Variants in RPS6KA1 observed in about 807,000 individuals in gnomAD.
RPS6KA1 encodes the protein ribosomal protein S6 kinase A1.
RPS6KA1 carries 48 observed loss-of-function variants against 91.3 expected under a neutral mutation model. The ratio of observed to expected loss-of-function variants is 0.53; its 90% CI spans 0.42 to 0.67. The LOEUF (loss-of-function observed/expected upper bound fraction) is 0.67, where lower values mean the gene tolerates loss of function less well. Ranked by LOEUF, RPS6KA1 falls within the 30% of genes least tolerant of loss-of-function variation. The pLI is 0.00. For missense variants in RPS6KA1, 719 were observed against 960.5 expected (o/e 0.75, Z 3.32); for synonymous variants, 359 against 384.7 (o/e 0.93, Z 0.78).
Position 26,554,172 on chromosome 1 carries a change from G to C in RPS6KA1, c.576-42G>C. 6.5e-7 allele frequency: 1 copy of C among 1,547,880 alleles called. No homozygotes were observed. Among genetic ancestry groups the C allele is most frequent in the Non-Finnish European group, 8.7e-7 (1 of 1,144,744 alleles). On this transcript the variant is annotated intron_variant, in intron 7 of 21. Transcript: ENST00000374168. This position sits in a 1 kb window ranked among gnomAD's most constrained non-coding sequence, Gnocchi z 4.6. ...CCTGTGGTAACACCATCACCCACAC[G>C]GCCACAGCTGAGGGGCCCTGACCAC... is the stretch of plus-strand genomic sequence containing the variant.
chr1:26,545,162 C>CTTTCTT (rs1310137214), intron 2 of RPS6KA1, among the ~76,000 whole-genome samples: 1 of 151,108 alleles, frequency 6.6e-6, no homozygotes, highest in Non-Finnish European at 1.5e-5. Flanking sequence ...GGATGCCATT[C>CTTTCTT]TTTCTTTTTC....
intron 2 of RPS6KA1, among the ~76,000 whole-genome samples, chr1:26,546,532 G>A (rs543909947): frequency 6.6e-6 from 1 of 152,302 alleles, no homozygotes; most frequent in East Asian, 1.9e-4. Context: ...TAAAACAACA[G>A]GGGGAGGGAA....
At chr1:26,552,826 C>T (rs2076065007) in intron 6 of RPS6KA1, 3 of 426,218 alleles carry the variant, frequency 7.0e-6, no homozygotes, top group Non-Finnish European at 1.4e-5. Context: ...AGGTAATATA[C>T]ATGATTCAAA....
chr1:26,536,821 C>T, intron 1 of RPS6KA1, 104 bp from the exon 2 acceptor site: 3 of 1,319,292 alleles, frequency 2.3e-6, no homozygotes, highest in Non-Finnish European at 3.3e-6. Context: ...ACCATGGCCT[C>T]CATGGCTATT....
intron 2 of RPS6KA1, chr1:26,545,707 G>A (rs978548626): frequency 1.3e-5 from 10 of 751,812 alleles, no homozygotes; most frequent in Non-Finnish European, 2.0e-5. Context: ...CTGAGGAGAG[G>A]GGGAGAGAGA....
Position 26,571,484 on chromosome 1 carries a change from G to C in RPS6KA1, c.1626G>C (p.Leu542=). 6.2e-7 allele frequency: 1 copy of C among 1,614,198 alleles called. No homozygotes were observed. Among genetic ancestry groups the C allele is most frequent in the Non-Finnish European group, 8.5e-7 (1 of 1,180,030 alleles). ...VHRDLKPSNI[L]YVDESGNPEC... ...GGGACCTGAAGCCCAGCAACATCCT[G>C]TATGTGGACGAGTCCGGGAATCCCG... Residue 542 remains leucine, a synonymous_variant, in exon 18 of 22, where the codon CTG becomes CTC. Transcript: ENST00000374168. The surrounding 1 kb of genome is among the most constrained non-coding windows in gnomAD (Gnocchi z 5.1).
intron 2 of RPS6KA1, among the ~76,000 whole-genome samples, chr1:26,541,754 G>A (rs1240063172): frequency 1.3e-5 from 2 of 152,238 alleles, no homozygotes; most frequent in Non-Finnish European, 2.9e-5. Context: ...ACTGAGGGAG[G>A]GGGTAGCGCC....
intron 17 of RPS6KA1, among the ~76,000 whole-genome samples, chr1:26,562,825 CTTTTTTTTTTTTTTTT>C (rs748764001): frequency 1.1e-4 from 9 of 81,432 alleles, no homozygotes; most frequent in African/African-American, 1.5e-4. Flanking sequence ...TCCTATTGTC[CTTTTTTTTTTTTTTTT>C]TTTTTTTTTT....
Position 26,554,314 on chromosome 1 carries a change from C to A in RPS6KA1, c.613+63C>A. On this transcript the variant is annotated intron_variant, in intron 8 of 21. Transcript: ENST00000374168. The surrounding 1 kb of genome is among the most constrained non-coding windows in gnomAD (Gnocchi z 4.6). ...AGGACAGGACAAGGTCATGATAGGT[C>A]TCGGCTGAGTGCTGGGGGCTCATTC... 6.7e-7 allele frequency: 1 copy of A among 1,496,536 alleles called. No individual in the cohort carries two copies. Among genetic ancestry groups the A allele is most frequent in the Non-Finnish European group, 9.1e-7 (1 of 1,100,614 alleles). The allele number at this position is 1,496,536 out of a possible 1,614,324, so 92.7% of individuals were successfully genotyped here. A position where few individuals can be genotyped will look rare whatever the true frequency, so the allele number is the denominator to read the frequency against.
chr1:26,571,348 C>T lies in RPS6KA1; in HGVS notation c.1591-101C>T, dbSNP rs945163280. Reference sequence around the variant, plus strand: ...CGGATGCCAAGTCCATGCACCCGTCCCTCTGCACCCTGTCTGTGTAGCTTT... The same window carrying T: ...CGGATGCCAAGTCCATGCACCCGTCTCTCTGCACCCTGTCTGTGTAGCTTT... On this transcript the variant is annotated intron_variant, in intron 17 of 21. Coordinates refer to ENST00000374168, the MANE Select transcript of RPS6KA1 (RefSeq NM_002953.4). The surrounding 1 kb of genome is among the most constrained non-coding windows in gnomAD (Gnocchi z 5.1). The T allele has an allele frequency of 5.3e-6, 6 of 1,130,922 alleles. No homozygotes were observed. The East Asian group carries it at 9.6e-5, about 18-fold the overall frequency. The allele number at this position is 1,130,922 out of a possible 1,614,324, so 70.1% of individuals were successfully genotyped here.
rs2076252156 is a variant in RPS6KA1 at position 26,571,870 on chromosome 1, G to A, written c.1774G>A (p.Asp592Asn). The A allele has an allele frequency of 1.2e-6, 2 of 1,610,832 alleles. No homozygotes were observed. The highest frequency in any genetic ancestry group is 1.7e-6 in the Non-Finnish European group (2 of 1,179,988). The change falls in exon 19 of 22, where the codon GAT becomes AAT. Residue 592 changes from aspartate (D) to asparagine (N), a missense_variant. Asp to Asn is a conservative substitution (Grantham distance 23). Coordinates refer to ENST00000374168, the MANE Select transcript of RPS6KA1 (RefSeq NM_002953.4). The surrounding 1 kb of genome is among the most constrained non-coding windows in gnomAD (Gnocchi z 5.1). ...APEVLKRQGY[D>N]EGCDIWSLGI... Reference sequence around the variant, plus strand: ...CCAGGTGCTGAAGCGCCAGGGCTACGATGAAGGCTGCGACATCTGGAGCCT... The same window carrying A: ...CCAGGTGCTGAAGCGCCAGGGCTACAATGAAGGCTGCGACATCTGGAGCCT...
At chr1:26,573,795 A>G (rs1435915487) in intron 21 of RPS6KA1, among the ~76,000 whole-genome samples, 2 of 152,168 alleles carry the variant, frequency 1.3e-5, no homozygotes, top group East Asian at 1.9e-4. Context: ...AAAATTAGCC[A>G]GGTGTGGTGG....
rs751125853 is a variant in RPS6KA1 at position 26,573,239 on chromosome 1, A to T, written c.1963A>T (p.Met655Leu). ...SETAKDLVSK[M>L]LHVDPHQRLT... Reference sequence around the variant, plus strand: ...GTGTCCCCAGGACCTGGTGTCCAAGATGCTACACGTGGATCCCCACCAGCG... The same window carrying T: ...GTGTCCCCAGGACCTGGTGTCCAAGTTGCTACACGTGGATCCCCACCAGCG... Residue 655 changes from methionine (M) to leucine (L), a missense_variant, in exon 21 of 22, where the codon ATG becomes TTG. Physicochemically the swap from Met to Leu is conservative, Grantham distance 15. Around this residue, in one of 5 missense-constraint regions of RPS6KA1, gnomAD observed 249 missense variants for 323.1 expected, o/e 0.77. Transcript: ENST00000374168. The T allele has an allele frequency of 6.2e-7, 1 of 1,614,060 alleles. No individual in the cohort carries two copies. Among genetic ancestry groups the T allele is most frequent in the South Asian group, 1.1e-5 (1 of 91,088 alleles).
chr1:26,567,854 T>C (rs1444243308), intron 17 of RPS6KA1, among the ~76,000 whole-genome samples: 1 of 152,154 alleles, frequency 6.6e-6, no homozygotes, highest in Non-Finnish European at 1.5e-5. Context: ...TCAGCCCCAT[T>C]TTACAAGTGA....
chr1:26,534,608 T>C (rs1240877301), intron 1 of RPS6KA1, among the ~76,000 whole-genome samples: 2 of 152,140 alleles, frequency 1.3e-5, no homozygotes, highest in Non-Finnish European at 2.9e-5. Context: ...AGAATGGCTA[T>C]TGTTTGTAGG....
chr1:26,547,556 G>A lies in RPS6KA1; in HGVS notation c.307+286G>A. The stretch of plus-strand genomic sequence containing the variant: ...CAACTACCAAGCTGGTCAAGCAGAG[G>A]CATTCTGACTGTTGATGCTAGAAGA... On this transcript the variant is annotated intron_variant, in intron 4 of 21. Transcript: ENST00000374168. This position sits in a 1 kb window ranked among gnomAD's most constrained non-coding sequence, Gnocchi z 4.1. The A allele has an allele frequency of 2.6e-6, 1 of 381,198 alleles. No individual in the cohort carries two copies. Among genetic ancestry groups the A allele is most frequent in the Non-Finnish European group, 5.0e-6 (1 of 198,778 alleles). The allele number at this position is 381,198 out of a possible 1,614,324, so 23.6% of individuals were successfully genotyped here.
At chr1:26,546,537 A>G (rs2075996065) in intron 2 of RPS6KA1, among the ~76,000 whole-genome samples, 1 of 152,124 alleles carries the variant, frequency 6.6e-6, no homozygotes. Context: ...CAACAGGGGG[A>G]GGGAAGCCCC....
In RPS6KA1 at chr1:26,571,409, C is replaced by G; in HGVS notation, c.1591-40C>G. The G allele has an allele frequency of 6.2e-7, 1 of 1,605,024 alleles. No homozygotes were observed. The highest frequency in any genetic ancestry group is 1.1e-5 in the South Asian group (1 of 90,648). The stretch of plus-strand genomic sequence containing the variant: ...GCCGCTGACCTGGGCCACTAGCCAC[C>G]TCCCCACACTGAGAACTGACCCCAG... On this transcript the variant is annotated intron_variant, in intron 17 of 21. Transcript: ENST00000374168. This position sits in a 1 kb window ranked among gnomAD's most constrained non-coding sequence, Gnocchi z 5.1.
Position 26,555,063 on chromosome 1 carries a change from G to T in RPS6KA1, c.757-88G>T. On this transcript the variant is annotated intron_variant, in intron 9 of 21. Transcript: ENST00000374168. This position sits in a 1 kb window ranked among gnomAD's most constrained non-coding sequence, Gnocchi z 4.3. ...TTGGATGTATCAGCAAGAATCCTGG[G>T]ACTGGGGCAGAGGGGTCTGACTGGG... The T allele has an allele frequency of 7.6e-7, 1 of 1,307,676 alleles. No individual in the cohort carries two copies. Among genetic ancestry groups the T allele is most frequent in the South Asian group, 1.2e-5 (1 of 82,118 alleles). 81.0% of individuals were successfully genotyped at this position (1,307,676 alleles called of 1,614,324 possible).
Sources: gnomAD v4.1 joint callset for allele counts (sites outside exome capture counted in the v4.1 genomes callset) on GRCh38, gnomAD v4.1.1 for gene constraint, gnomAD v4.1.1 regional missense constraint, Gnocchi (gnomAD v3.1) non-coding constraint, MANE v1.5 for transcripts, NCBI Gene and HGNC (gene_info 2026-07-23, HGNC 2026-07-21) for gene names.